The following DSTYK variants were observed in gnomAD, a reference collection of about 807,000 sequenced individuals.
DSTYK encodes dual serine/threonine and tyrosine protein kinase, also known as RIP-homologous kinase.
Under a neutral mutation model 98.7 loss-of-function variants are expected in DSTYK, and 34 were observed. The ratio of observed to expected loss-of-function variants is 0.34; its 90% CI spans 0.26 to 0.46. The LOEUF (loss-of-function observed/expected upper bound fraction) is 0.46, where lower values mean the gene tolerates loss of function less well. Ranked by LOEUF, DSTYK falls within the 20% of genes least tolerant of loss-of-function variation. The pLI is 1.00. For missense variants in DSTYK, 962 were observed against 1,181.7 expected, an observed-to-expected ratio of 0.81 and a Z score of 2.73; for synonymous variants, 462 against 457.3, an observed-to-expected ratio of 1.01 and a Z score of -0.13.
Position 205,163,907 on chromosome 1 carries a change from T to C in DSTYK, c.1373A>G (p.Lys458Arg), listed in dbSNP as rs749659998. The change falls in exon 4 of 13, where the codon AAA becomes AGA. Residue 458 changes from lysine to arginine, a missense_variant. By Grantham distance (26) the Lys-to-Arg change is conservative. Around this residue, in one of 4 missense-constraint regions of DSTYK, gnomAD observed 660 missense variants for 855.0 expected, o/e 0.77. Coordinates refer to ENST00000367162, the MANE Select transcript of DSTYK (RefSeq NM_015375.3). ...TTCCTGGATCTGTCGGATGCAGCAT[T>C]TGATCTCTCTGGTGCCTACTGGTTC... ...NGEPVGTREI[K>R]CCIRQIQELI... The C allele has an allele frequency of 6.2e-6, 10 of 1,614,116 alleles. No individual in the cohort carries two copies. The highest frequency in any genetic ancestry group is 8.5e-6 in the Non-Finnish European group (10 of 1,180,010).
chr1:205,185,227 T>TA (rs1014974966), intron 2 of DSTYK, among the ~76,000 whole-genome samples: 20 of 151,976 alleles, frequency 1.3e-4, no homozygotes, highest in African/African-American at 4.8e-4. Context: ...AATAGTAATT[T>TA]AAAAAAATAA....
intron 6 of DSTYK, among the ~76,000 whole-genome samples, 153 bp downstream of exon 6, chr1:205,161,881 CAT>C (rs1365671330): frequency 3.3e-5 from 5 of 150,368 alleles, no homozygotes; most frequent in African/African-American, 1.2e-4. Context: ...TTTTAATATA[CAT>C]ATGTGTGTGT....
At chr1:205,192,770 G>C (rs771904249) in intron 1 of DSTYK, among the ~76,000 whole-genome samples, 5 of 152,154 alleles carry the variant, frequency 3.3e-5, no homozygotes, top group Non-Finnish European at 7.3e-5. Flanking sequence ...GCTGAGGCAG[G>C]AGAATTGCTT....
intron 1 of DSTYK, chr1:205,202,382 T>C (rs535810976): frequency 1.2e-5 from 9 of 732,748 alleles, no homozygotes; most frequent in Non-Finnish European, 2.0e-5. Context: ...AACATTACAA[T>C]GGTTGCGTTG....
chr1:205,205,709 T>G (rs1374677162), intron 1 of DSTYK, among the ~76,000 whole-genome samples: 1 of 152,076 alleles, frequency 6.6e-6, no homozygotes, highest in Non-Finnish European at 1.5e-5. Flanking sequence ...CCTCCCAAAG[T>G]GCTGGAATTA....
intron 2 of DSTYK, among the ~76,000 whole-genome samples, chr1:205,181,919 T>C (rs1658418149): frequency 6.6e-6 from 1 of 151,992 alleles, no homozygotes; most frequent in African/African-American, 2.4e-5. Context: ...AGACAAGAAT[T>C]GAGAGATGCC....
intron 11 of DSTYK, 39 bp from the exon 12 acceptor site, chr1:205,148,378 G>T: frequency 6.2e-7 from 1 of 1,608,158 alleles, no homozygotes; most frequent in Non-Finnish European, 8.5e-7. Context: ...GAGCCACAGA[G>T]AGTCAGGCAG....
At chr1:205,174,441 A>G (rs1442716500) in intron 2 of DSTYK, among the ~76,000 whole-genome samples, 5 of 151,330 alleles carry the variant, frequency 3.3e-5, no homozygotes, top group African/African-American at 1.2e-4. Context: ...TGAACCCAGA[A>G]GGAGGAGGTT....
rs978842627 is a variant in DSTYK, at chr1:205,210,067, G to A, written c.265+1204C>T. ...AGGCCTCAACCACCACACCTGGCTAGTTTCTTATATTTTTGGTAGAGACGG... is the reference window on the plus strand; with the variant it reads ...AGGCCTCAACCACCACACCTGGCTAATTTCTTATATTTTTGGTAGAGACGG... On this transcript the variant is annotated intron_variant, in intron 1 of 12. Coordinates refer to ENST00000367162, the MANE Select transcript of DSTYK (RefSeq NM_015375.3). Among the ~76,000 whole-genome samples the A allele has an allele frequency of 3.3e-5, 5 of 151,924 alleles. No individual in the cohort carries two copies. The East Asian group carries it at 9.7e-4, about 29-fold the overall frequency.
rs759525072 is a variant in DSTYK at position 205,169,357 on chromosome 1, G to A, written c.1130C>T (p.Ala377Val). ...CHCLDIFINQ[A>V]FDMQRDLQIT... is the part of the protein sequence containing the mutation. ...CTGCAGGTCCCGCTGCATGTCAAATGCCTGGTTAATAAAGATGTCAAGGCA... is the reference window on the plus strand; with the variant it reads ...CTGCAGGTCCCGCTGCATGTCAAATACCTGGTTAATAAAGATGTCAAGGCA... The change falls in exon 3 of 13, where the codon GCA becomes GTA. Residue 377 changes from alanine to valine, a missense_variant. Coordinates refer to ENST00000367162, the MANE Select transcript of DSTYK (RefSeq NM_015375.3). This position sits in a 1 kb window ranked among gnomAD's most constrained non-coding sequence, Gnocchi z 4.0. 6.2e-7 allele frequency: 1 copy of A among 1,614,192 alleles called. No individual in the cohort carries two copies. The highest frequency in any genetic ancestry group is 2.2e-5 in the East Asian group (1 of 44,892).
intron 7 of DSTYK, 134 bp downstream of exon 7, chr1:205,161,124 C>A (rs1657706623): frequency 2.5e-6 from 3 of 1,195,286 alleles, no homozygotes; most frequent in South Asian, 3.0e-5. Context: ...TTTAGGAATT[C>A]AAAAACATCA....
At chr1:205,189,153 A>AAAAAAAAAC (rs1417276667) in intron 1 of DSTYK, among the ~76,000 whole-genome samples, 13 of 48,580 alleles carry the variant, frequency 2.7e-4, no homozygotes, top group Non-Finnish European at 1.2e-3. Context: ...AATCTAAAAC[A>AAAAAAAAAC]AAAAAAAACA....
chr1:205,151,607 G>A (rs1657406871), intron 10 of DSTYK, among the ~76,000 whole-genome samples: 1 of 151,114 alleles, frequency 6.6e-6, no homozygotes, highest in African/African-American at 2.4e-5. Context: ...TAAGACTATA[G>A]TTGTATGCCA....
chr1:205,210,185 G>A (rs765153937), intron 1 of DSTYK, among the ~76,000 whole-genome samples: 29 of 152,120 alleles, frequency 1.9e-4, no homozygotes, highest in Non-Finnish European at 3.8e-4. Context: ...TTACAGACGT[G>A]AGCCACCGCG....
chr1:205,193,961 C>A (rs1373175596), intron 1 of DSTYK, among the ~76,000 whole-genome samples: 2 of 152,068 alleles, frequency 1.3e-5, no homozygotes, highest in African/African-American at 4.8e-5. Context: ...CCTCTGAAGA[C>A]CCTCATTCCA....
intron 1 of DSTYK, among the ~76,000 whole-genome samples, chr1:205,204,037 G>C (rs1659129698): frequency 6.6e-6 from 1 of 152,186 alleles, no homozygotes; most frequent in Non-Finnish European, 1.5e-5. Flanking sequence ...ACTGTGGTTA[G>C]GGAGGCCATT....
rs1348137767 is a variant in DSTYK, at chr1:205,148,194, G to T, written c.2602+11C>A. On this transcript the variant is annotated intron_variant, in intron 12 of 12. Coordinates refer to ENST00000367162, the MANE Select transcript of DSTYK (RefSeq NM_015375.3). Reference sequence around the variant, plus strand: ...GGGGAGTTAGGACAAGGTAGTACTTGTGGCTCTTACCCCTCCGCACATTGT... The same window carrying T: ...GGGGAGTTAGGACAAGGTAGTACTTTTGGCTCTTACCCCTCCGCACATTGT... 1 of 1,613,900 alleles carries T rather than the reference G, an allele frequency of 6.2e-7. No individual in the cohort carries two copies. The highest frequency in any genetic ancestry group is 1.3e-5 in the African/African-American group (1 of 74,916).
chr1:205,201,792 G>A (rs1659048705), intron 1 of DSTYK, among the ~76,000 whole-genome samples: 2 of 152,190 alleles, frequency 1.3e-5, no homozygotes, highest in Admixed American at 6.5e-5. Flanking sequence ...GGGCGCAGTG[G>A]TTCACACCGG....
chr1:205,185,999 G>T (rs1393180475), intron 2 of DSTYK, among the ~76,000 whole-genome samples: 1 of 151,826 alleles, frequency 6.6e-6, no homozygotes, highest in East Asian at 1.9e-4. Flanking sequence ...CTCCTGCCTG[G>T]GCAACAGAGA....
Sources: gnomAD v4.1 joint callset for allele counts (sites outside exome capture counted in the v4.1 genomes callset) on GRCh38, gnomAD v4.1.1 for gene constraint, gnomAD v4.1.1 regional missense constraint, Gnocchi (gnomAD v3.1) non-coding constraint, MANE v1.5 for transcripts, NCBI Gene and HGNC (gene_info 2026-07-23, HGNC 2026-07-21) for gene names.